The following SCAMP2 variants were observed in gnomAD, a reference collection of about 807,000 sequenced individuals.
SCAMP2 encodes secretory carrier membrane protein 2.
SCAMP2 carries 25 observed loss-of-function variants against 44.1 expected under a neutral mutation model. The observed-to-expected ratio is 0.57, with a 90% CI of 0.41 to 0.79. SCAMP2 has a LOEUF of 0.79. SCAMP2 is among the 30% of genes least tolerant of loss of function. The probability of loss-of-function intolerance (pLI) is 0.00; values close to 1 mark genes in which losing one functional copy is unlikely to be tolerated. For synonymous variants in SCAMP2, 156 were observed against 166.0 expected, an observed-to-expected ratio of 0.94 and a Z score of 0.46; for missense variants, 355 against 411.0, an observed-to-expected ratio of 0.86 and a Z score of 1.18.
chr15:74,862,093 A>G (rs1237306437), intron 1 of SCAMP2, among the ~76,000 whole-genome samples: 1 of 135,740 alleles, frequency 7.4e-6, no homozygotes. Flanking sequence ...GTCTCTACCA[A>G]AAAAAAAAAA....
At chr15:74,856,518 G>A (rs1250847766) in intron 1 of SCAMP2, among the ~76,000 whole-genome samples, 8 of 150,312 alleles carry the variant, frequency 5.3e-5, no homozygotes, top group African/African-American at 1.7e-4. Flanking sequence ...CAGGTGATCC[G>A]CTCACCTCAG....
chr15:74,854,806 C>T (rs2141174529), intron 1 of SCAMP2, among the ~76,000 whole-genome samples, 157 bp from the exon 2 acceptor site: 1 of 152,336 alleles, frequency 6.6e-6, no homozygotes, highest in Admixed American at 6.5e-5. Context: ...GCCTCTGCCA[C>T]ACCACAGCTG....
chr15:74,873,145 C>T, intron 1 of SCAMP2, 54 bp downstream of exon 1: 3 of 1,370,108 alleles, frequency 2.2e-6, no homozygotes, highest in Non-Finnish European at 2.9e-6. Flanking sequence ...GCCCGGGCGG[C>T]GGCCGTGGGC....
chr15:74,861,547 CT>C (rs1456309531), intron 1 of SCAMP2, among the ~76,000 whole-genome samples: 2 of 152,178 alleles, frequency 1.3e-5, no homozygotes, highest in African/African-American at 2.4e-5. Flanking sequence ...TACGCATCCC[CT>C]TGAAGGCCCA....
chr15:74,845,738 GC>G, intron 7 of SCAMP2, 145 bp from the exon 8 acceptor site: 1 of 1,015,092 alleles, frequency 9.9e-7, no homozygotes, highest in South Asian at 1.5e-5. Context: ...TGAGCCAGAA[GC>G]CCTTGGCCTG....
intron 1 of SCAMP2, among the ~76,000 whole-genome samples, chr15:74,861,262 T>C (rs1011961392): frequency 6.6e-6 from 1 of 152,140 alleles, no homozygotes; most frequent in Non-Finnish European, 1.5e-5. Flanking sequence ...CTCTGGAACC[T>C]CTGTGAAGTC....
chr15:74,870,753 C>T (rs1028410784), intron 1 of SCAMP2, among the ~76,000 whole-genome samples: 1 of 152,118 alleles, frequency 6.6e-6, no homozygotes, highest in African/African-American at 2.4e-5. Flanking sequence ...CACCTTGAGA[C>T]CAAGAAAGAA....
chr15:74,860,431 G>C (rs2064495899), intron 1 of SCAMP2, among the ~76,000 whole-genome samples: 1 of 147,728 alleles, frequency 6.8e-6, no homozygotes, highest in African/African-American at 2.5e-5. Context: ...GCTCACGCCT[G>C]TAATCCCAGC....
chr15:74,843,908 GGGAAGGCA>G lies in SCAMP2; in HGVS notation c.*1167_*1174del, dbSNP rs960156980. On this transcript the variant is annotated 3_prime_UTR_variant, in exon 9 of 9. Coordinates refer to ENST00000268099, the MANE Select transcript of SCAMP2 (RefSeq NM_005697.5). ...GCCCAGAGCCGGAGGCTAGTTTTGTGGGAAGGCACCCCAGTCCACACACCCACTCGGCA... is the reference window on the plus strand; with the variant it reads ...GCCCAGAGCCGGAGGCTAGTTTTGTGCCCCAGTCCACACACCCACTCGGCA... 4 of 151,090 alleles carry G rather than the reference GGGAAGGCA, an allele frequency of 2.6e-5. No individual in the cohort carries two copies. Among genetic ancestry groups the G allele is most frequent in the Non-Finnish European group, 4.5e-5 (3 of 67,380 alleles). 9.4% of individuals were successfully genotyped at this position (151,090 alleles called of 1,614,324 possible).
chr15:74,868,118 C>G (rs1345075574), intron 1 of SCAMP2, among the ~76,000 whole-genome samples: 1 of 152,192 alleles, frequency 6.6e-6, no homozygotes, highest in Non-Finnish European at 1.5e-5. Flanking sequence ...CTGCCATAAC[C>G]AACAGAGGAA....
At chr15:74,864,691 G>C (rs994713174) in intron 1 of SCAMP2, among the ~76,000 whole-genome samples, 6 of 152,160 alleles carry the variant, frequency 3.9e-5, no homozygotes, top group African/African-American at 1.4e-4. Flanking sequence ...AGAGGAACAA[G>C]AGGGACTTCA....
intron 1 of SCAMP2, among the ~76,000 whole-genome samples, chr15:74,861,988 T>C (rs578038502): frequency 1.3e-5 from 2 of 149,496 alleles, no homozygotes; most frequent in East Asian, 3.9e-4. Context: ...GCCCGGTAGC[T>C]CATGCCTATA....
chr15:74,845,106 G>C lies in SCAMP2; in HGVS notation c.967C>G (p.Gln323Glu). 10 of 1,613,962 alleles carry C rather than the reference G, an allele frequency of 6.2e-6. No individual in the cohort carries two copies. Among genetic ancestry groups the C allele is most frequent in the Non-Finnish European group, 8.5e-6 (10 of 1,179,926 alleles). Residue 323 changes from glutamine to glutamate, a missense_variant, in exon 9 of 9, where the codon CAA becomes GAA. Coordinates refer to ENST00000268099, the MANE Select transcript of SCAMP2 (RefSeq NM_005697.5). Reference protein sequence around the residue: ...TFHRAASSAAQGAFQGN With the variant: ...TFHRAASSAAEGAFQGN Reference sequence around the variant, plus strand: ...GACTAATTCCCCTGGAAGGCTCCTTGGGCAGCAGATGAAGCAGCTCTGTGG... The same window carrying C: ...GACTAATTCCCCTGGAAGGCTCCTTCGGCAGCAGATGAAGCAGCTCTGTGG...
chr15:74,866,798 CTTTT>C (rs112929950), intron 1 of SCAMP2, among the ~76,000 whole-genome samples: 10 of 119,682 alleles, frequency 8.4e-5, no homozygotes, highest in Non-Finnish European at 8.9e-5. Context: ...TATTTTCTTT[CTTTT>C]TTTTTTTTTT....
intron 1 of SCAMP2, among the ~76,000 whole-genome samples, chr15:74,856,260 A>T (rs1314822833): frequency 8.1e-6 from 1 of 123,844 alleles, no homozygotes; most frequent in Admixed American, 8.9e-5. Flanking sequence ...CTGCAGAGCC[A>T]GTTCTTTTTT....
At chr15:74,865,704 C>T (rs971690757) in intron 1 of SCAMP2, among the ~76,000 whole-genome samples, 1 of 146,060 alleles carries the variant, frequency 6.8e-6, no homozygotes, top group Non-Finnish European at 1.5e-5. Context: ...GTAAACCCAG[C>T]ACTTTGGGAG....
chr15:74,852,847 C>A (rs766722868), intron 3 of SCAMP2: 1 of 152,832 alleles, frequency 6.5e-6, no homozygotes, highest in Non-Finnish European at 1.5e-5. Flanking sequence ...CCTCTCCAGG[C>A]GGGGTAGAGC....
chr15:74,862,853 TACACACACAC>T (rs112611741), intron 1 of SCAMP2, among the ~76,000 whole-genome samples: 5,543 of 87,464 alleles, frequency 0.063, 482 homozygotes, highest in African/African-American at 0.2. Flanking sequence ...AAACAAACCA[TACACACACAC>T]ACACACACAC....
intron 7 of SCAMP2, among the ~76,000 whole-genome samples, chr15:74,845,822 A>G (rs1279124750): frequency 6.6e-6 from 1 of 152,176 alleles, no homozygotes; most frequent in Non-Finnish European, 1.5e-5. Flanking sequence ...TGGTTATGTG[A>G]GGTCTGAAAG....
Sources: gnomAD v4.1 joint callset for allele counts (sites outside exome capture counted in the v4.1 genomes callset) on GRCh38, gnomAD v4.1.1 for gene constraint, MANE v1.5 for transcripts, NCBI Gene and HGNC (gene_info 2026-07-23, HGNC 2026-07-21) for gene names.